HSD17B11: variants seen among roughly 807,000 people sequenced by gnomAD.
HSD17B11 encodes the protein hydroxysteroid 17-beta dehydrogenase 11, also known as estradiol 17-beta-dehydrogenase 11.
HSD17B11 carries 22 observed loss-of-function variants against 27.8 expected under a neutral mutation model. The ratio of observed to expected loss-of-function variants is 0.79; its 90% CI spans 0.56 to 1.13. The LOEUF is 1.13. Among genes scored for constraint, HSD17B11 ranks in the 50% most tolerant of loss-of-function variants. The probability of loss-of-function intolerance (pLI) is 0.00; values close to 1 mark genes in which losing one functional copy is unlikely to be tolerated. For missense variants in HSD17B11, 314 were observed against 351.1 expected (o/e 0.89, Z 0.84); for synonymous variants, 117 against 132.8 (o/e 0.88, Z 0.82).
At chr4:87,340,312 G>T in intron 6 of HSD17B11, 178 bp downstream of exon 6, 1 of 382,122 alleles carries the variant, frequency 2.6e-6, no homozygotes, top group South Asian at 6.6e-5. Context: ...AAATTACTCG[G>T]TTCATTTACC....
At chr4:87,361,383 CA>C (rs1197550152) in intron 4 of HSD17B11, among the ~76,000 whole-genome samples, 1 of 152,150 alleles carries the variant, frequency 6.6e-6, no homozygotes, top group African/African-American at 2.4e-5. Flanking sequence ...AGCATATTAT[CA>C]AAAAATAATC....
At chr4:87,382,419 C>A in intron 1 of HSD17B11, 57 bp from the exon 2 acceptor site, 1 of 1,003,854 alleles carries the variant, frequency 1.0e-6, no homozygotes, top group South Asian at 1.5e-5. Context: ...ATTATATCGA[C>A]AGCTGAAAAT....
rs117747587 is a variant in HSD17B11, at chr4:87,381,705, A to G, written c.318+550T>C. ...TTCTGGGAGGTGGAGGTTGCAATGA[A>G]TCGAGATCATGCCACTGCACTCCAA... On this transcript the variant is annotated intron_variant, in intron 2 of 6. Transcript: ENST00000358290. Among the ~76,000 whole-genome samples, 355 of 151,042 alleles carry G rather than the reference A, an allele frequency of 2.4e-3. 7 individuals are homozygous for G. In the East Asian group the frequency reaches 0.048, roughly 21 times the overall value.
In HSD17B11 at chr4:87,342,109, G is replaced by A. The variant is rs114933394; in HGVS notation, c.696-1503C>T. Among the ~76,000 whole-genome samples, 1,247 of 152,134 alleles carry A rather than the reference G, an allele frequency of 8.2e-3. 13 individuals are homozygous for A. The highest frequency in any genetic ancestry group is 0.028 in the African/African-American group (1,170 of 41,526). On this transcript the variant is annotated intron_variant, in intron 5 of 6. Transcript: ENST00000358290. ...AGTTAAAAGAAGTGAGACACCAGGCGTGGTGCTCAATGCCTGTAATCCCAG... is the reference window on the plus strand; with the variant it reads ...AGTTAAAAGAAGTGAGACACCAGGCATGGTGCTCAATGCCTGTAATCCCAG...
At chr4:87,372,520 T>C (rs1735737874) in intron 4 of HSD17B11, among the ~76,000 whole-genome samples, 189 bp downstream of exon 4, 1 of 152,156 alleles carries the variant, frequency 6.6e-6, no homozygotes, top group African/African-American at 2.4e-5. Flanking sequence ...AGGGGATTAA[T>C]GATTGATAAT....
rs761335594 is a variant in HSD17B11, at chr4:87,385,526, T to A, written c.211-3164A>T. Among the ~76,000 whole-genome samples, 86 of 152,242 alleles carry A rather than the reference T, an allele frequency of 5.6e-4. 1 individual carries two copies. In the Middle Eastern group the frequency reaches 0.024, roughly 42 times the overall value. Reference sequence around the variant, plus strand: ...TAGAAGAGATCACTGCATAATAAGGTAAATGTACTTAATGCCACTAAACTG... The same window carrying A: ...TAGAAGAGATCACTGCATAATAAGGAAAATGTACTTAATGCCACTAAACTG... On this transcript the variant is annotated intron_variant, in intron 1 of 6. Coordinates refer to ENST00000358290, the MANE Select transcript of HSD17B11 (RefSeq NM_016245.5).
intron 5 of HSD17B11, among the ~76,000 whole-genome samples, chr4:87,346,057 TA>T (rs1319666996): frequency 6.6e-6 from 1 of 152,126 alleles, no homozygotes; most frequent in Non-Finnish European, 1.5e-5. Flanking sequence ...ATTGGCAAAT[TA>T]AATCTAGCAT....
At position 87,380,863 on chromosome 4, in the gene HSD17B11, C is replaced by CAAAAAAAAAAAAA. The variant is rs561938045; in HGVS notation, c.318+1379_318+1391dup. Reference sequence around the variant, plus strand: ...ACAAAGCTAGAGCTAGACTCTATCTCAAAAAAAAAAAAAAAAAAAAAAAAA... The same window carrying CAAAAAAAAAAAAA: ...ACAAAGCTAGAGCTAGACTCTATCTCAAAAAAAAAAAAAAAAAAAAAAAAAAAAAAAAAAAAAA... On this transcript the variant is annotated intron_variant, in intron 2 of 6. Coordinates refer to ENST00000358290, the MANE Select transcript of HSD17B11 (RefSeq NM_016245.5). Among the ~76,000 whole-genome samples the CAAAAAAAAAAAAA allele has an allele frequency of 9.8e-4, 73 of 74,724 alleles. 1 individual carries two copies. The highest frequency in any genetic ancestry group is 1.1e-3 in the South Asian group (2 of 1,796). 49.0% of individuals were successfully genotyped at this position (74,724 alleles called of 152,430 possible).
chr4:87,354,622 G>A (rs1201766678), intron 5 of HSD17B11, among the ~76,000 whole-genome samples: 1 of 147,206 alleles, frequency 6.8e-6, no homozygotes, highest in African/African-American at 2.6e-5. Flanking sequence ...CAGCCTGGGT[G>A]ACAGAGCGAA....
At chr4:87,356,394 C>T (rs192737631) in intron 5 of HSD17B11, among the ~76,000 whole-genome samples, 2 of 152,300 alleles carry the variant, frequency 1.3e-5, no homozygotes, top group Admixed American at 1.3e-4. Flanking sequence ...GATGCTATTG[C>T]TCCCAATAAT....
chr4:87,360,217 A>C (rs1735480469), intron 4 of HSD17B11, among the ~76,000 whole-genome samples: 1 of 148,694 alleles, frequency 6.7e-6, no homozygotes, highest in African/African-American at 2.5e-5. Flanking sequence ...CATTCAATAT[A>C]TGTCAAACTT....
At chr4:87,357,526 G>A in intron 4 of HSD17B11, 110 bp from the exon 5 acceptor site, 1 of 991,596 alleles carries the variant, frequency 1.0e-6, no homozygotes, top group South Asian at 1.8e-5. Context: ...CTGAGTCTCA[G>A]GCCCCAGCCC....
chr4:87,381,271 T>A (rs546234428), intron 2 of HSD17B11, among the ~76,000 whole-genome samples: 1 of 151,968 alleles, frequency 6.6e-6, no homozygotes, highest in African/African-American at 2.4e-5. Flanking sequence ...ACACTTTTTA[T>A]ACTGCACTGA....
intron 6 of HSD17B11, among the ~76,000 whole-genome samples, chr4:87,340,056 TA>T (rs557838105): frequency 2.7e-5 from 4 of 150,458 alleles, no homozygotes; most frequent in South Asian, 2.1e-4. Context: ...TCTAAAATTA[TA>T]AAAAAAAATT....
chr4:87,372,566 C>A (rs115424188), intron 4 of HSD17B11, 143 bp downstream of exon 4: 20,675 of 591,848 alleles, frequency 0.035, 446 homozygotes, highest in Middle Eastern at 0.044. Context: ...ACTCTTTCTG[C>A]TTATTTTTTG....
intron 5 of HSD17B11, among the ~76,000 whole-genome samples, chr4:87,355,114 A>G (rs1050906055): frequency 2.0e-5 from 3 of 152,120 alleles, no homozygotes; most frequent in Non-Finnish European, 2.9e-5. Flanking sequence ...CTGAAAAACA[A>G]AACAAAACCA....
intron 6 of HSD17B11, among the ~76,000 whole-genome samples, chr4:87,339,448 C>T (rs2110111428): frequency 6.6e-6 from 1 of 152,280 alleles, no homozygotes; most frequent in East Asian, 1.9e-4. Context: ...GATTTCCGGT[C>T]CAACTCAAAC....
chr4:87,347,103 A>ATTTTTTTTTTTTTTTTT (rs763068482), intron 5 of HSD17B11, among the ~76,000 whole-genome samples: 1 of 62,596 alleles, frequency 1.6e-5, no homozygotes, highest in Non-Finnish European at 2.7e-5. Flanking sequence ...AGTATTCTGG[A>ATTTTTTTTTTTTTTTTT]TTTTTTTTTT....
At chr4:87,364,287 GA>G (rs988137777) in intron 4 of HSD17B11, among the ~76,000 whole-genome samples, 13 of 134,236 alleles carry the variant, frequency 9.7e-5, no homozygotes, top group Non-Finnish European at 1.6e-5. Flanking sequence ...AAAAAAAAAA[GA>G]AAAAAAACCC....
Sources: gnomAD v4.1 joint callset for allele counts (sites outside exome capture counted in the v4.1 genomes callset) on GRCh38, gnomAD v4.1.1 for gene constraint, MANE v1.5 for transcripts, NCBI Gene and HGNC (gene_info 2026-07-23, HGNC 2026-07-21) for gene names.